DOCK1: variants seen among roughly 807,000 people sequenced by gnomAD.
The protein encoded by DOCK1 is dedicator of cytokinesis protein 1.
A neutral mutation model predicts 262.7 loss-of-function variants in DOCK1; 138 were observed. The ratio of observed to expected loss-of-function variants is 0.53; its 90% CI spans 0.46 to 0.61. DOCK1 has a LOEUF of 0.61. DOCK1 is among the 20% of genes least tolerant of loss of function. The probability of loss-of-function intolerance (pLI) is 0.00; values close to 1 mark genes in which losing one functional copy is unlikely to be tolerated. For synonymous variants in DOCK1, 866 were observed against 867.4 expected (o/e 1.00, Z 0.03); for missense variants, 1,908 against 2,370.7 (o/e 0.80, Z 4.05).
At chr10:127,151,102 A>G (rs190680261) in intron 27 of DOCK1, among the ~76,000 whole-genome samples, 1 of 152,164 alleles carries the variant, frequency 6.6e-6, no homozygotes, top group Non-Finnish European at 1.5e-5. Context: ...TCCCTTTATC[A>G]TCTCTTCCTG....
At chr10:126,977,505 C>G (rs1030285674) in intron 2 of DOCK1, among the ~76,000 whole-genome samples, 13 of 152,140 alleles carry the variant, frequency 8.5e-5, no homozygotes, top group Admixed American at 3.3e-4. Flanking sequence ...AGGAAGTTCT[C>G]TCTCAATGGG....
chr10:127,434,695 C>T (rs1179347854), intron 48 of DOCK1, among the ~76,000 whole-genome samples: 9 of 151,772 alleles, frequency 5.9e-5, no homozygotes, highest in Non-Finnish European at 8.8e-5. Context: ...CCTCTGTCGC[C>T]CAGGCTGAGT....
At chr10:127,245,763 A>AC (rs557258634) in intron 27 of DOCK1, among the ~76,000 whole-genome samples, 6 of 151,982 alleles carry the variant, frequency 3.9e-5, no homozygotes, top group Non-Finnish European at 8.8e-5. Flanking sequence ...GCATTTTGAG[A>AC]CCCCCTCAAG....
intron 4 of DOCK1, among the ~76,000 whole-genome samples, chr10:126,986,729 G>A (rs1351817899): frequency 2.0e-5 from 3 of 152,160 alleles, no homozygotes; most frequent in Non-Finnish European, 4.4e-5. Context: ...GGCCAATATG[G>A]TGAAACCTCA....
intron 48 of DOCK1, among the ~76,000 whole-genome samples, chr10:127,436,504 G>A (rs1327337203): frequency 6.6e-6 from 1 of 152,148 alleles, no homozygotes; most frequent in African/African-American, 2.4e-5. Flanking sequence ...GGGCAACAGA[G>A]TGAGACTCTG....
chr10:127,122,811 C>T (rs183694010), intron 25 of DOCK1, among the ~76,000 whole-genome samples: 1 of 152,140 alleles, frequency 6.6e-6, no homozygotes, highest in Admixed American at 6.5e-5. Context: ...CACCAGGTAA[C>T]CAAAGATGGT....
chr10:127,204,639 G>A (rs1308242397), intron 27 of DOCK1, among the ~76,000 whole-genome samples: 4 of 152,132 alleles, frequency 2.6e-5, no homozygotes, highest in Non-Finnish European at 5.9e-5. Flanking sequence ...TCACTCAAAA[G>A]GTGAAGTAGC....
At chr10:127,060,730 C>T (rs1026657994) in intron 22 of DOCK1, among the ~76,000 whole-genome samples, 13 of 152,148 alleles carry the variant, frequency 8.5e-5, no homozygotes, top group Non-Finnish European at 1.8e-4. Context: ...TGCACAACTT[C>T]CTTATTACCT....
At chr10:127,181,173 T>C (rs1423431611) in intron 27 of DOCK1, among the ~76,000 whole-genome samples, 5 of 152,234 alleles carry the variant, frequency 3.3e-5, no homozygotes, top group Non-Finnish European at 5.9e-5. Context: ...TGTATATGTA[T>C]GTATATATGC....
intron 2 of DOCK1, among the ~76,000 whole-genome samples, chr10:126,971,062 T>TC (rs1251711465): frequency 2.0e-5 from 3 of 146,860 alleles, no homozygotes; most frequent in Non-Finnish European, 4.6e-5. Context: ...TTTTTTTTTT[T>TC]CCTTTTGAGA....
intron 27 of DOCK1, among the ~76,000 whole-genome samples, chr10:127,193,276 A>G (rs1251027822): frequency 6.6e-6 from 1 of 152,118 alleles, no homozygotes; most frequent in South Asian, 2.1e-4. Flanking sequence ...GGGAGTTTTT[A>G]TGACCTCACA....
At chr10:127,361,777 C>T (rs1338287594) in intron 32 of DOCK1, among the ~76,000 whole-genome samples, 2 of 152,158 alleles carry the variant, frequency 1.3e-5, no homozygotes, top group East Asian at 3.9e-4. Context: ...GAACTGGCTA[C>T]TTATAAAACA....
At chr10:127,252,668 C>G (rs1038635315) in intron 28 of DOCK1, among the ~76,000 whole-genome samples, 20 of 150,676 alleles carry the variant, frequency 1.3e-4, no homozygotes, top group Admixed American at 6.7e-5. Context: ...GCTTGTTTTT[C>G]TCAGGTTTGT....
intron 27 of DOCK1, among the ~76,000 whole-genome samples, chr10:127,162,304 T>G (rs567953344): frequency 6.6e-6 from 1 of 152,224 alleles, no homozygotes; most frequent in Non-Finnish European, 1.5e-5. Context: ...CCCAATTGAT[T>G]AGTTTAAGGG....
At chr10:126,984,807 G>A (rs944351017) in intron 4 of DOCK1, among the ~76,000 whole-genome samples, 15 of 152,032 alleles carry the variant, frequency 9.9e-5, no homozygotes, top group Admixed American at 8.5e-4. Flanking sequence ...TCATTTGTTT[G>A]TAGTGAGAAC....
chr10:126,915,476 G>T (rs9423010), intron 1 of DOCK1, among the ~76,000 whole-genome samples: 19,799 of 151,804 alleles, frequency 0.13, 1,563 homozygotes, highest in East Asian at 0.22. Context: ...TGGAGTGCAG[G>T]GGCACAATCT....
chr10:127,409,734 T>C (rs2067733979), intron 42 of DOCK1, among the ~76,000 whole-genome samples: 1 of 152,112 alleles, frequency 6.6e-6, no homozygotes, highest in Admixed American at 6.5e-5. Flanking sequence ...AGTGCACAAG[T>C]CCTGCCTGTT....
At chr10:127,328,119 C>CAA (rs11301683) in intron 29 of DOCK1, among the ~76,000 whole-genome samples, 5,342 of 72,382 alleles carry the variant, frequency 0.074, 205 homozygotes, top group East Asian at 0.21. Context: ...TACAAATGGG[C>CAA]AAAAAAAAAA....
At chr10:127,411,904 C>T (rs1337681129) in intron 43 of DOCK1, among the ~76,000 whole-genome samples, 2 of 152,132 alleles carry the variant, frequency 1.3e-5, no homozygotes, top group East Asian at 1.9e-4. Context: ...CCACGGCATT[C>T]GAGTTGTAGA....
Sources: allele counts gnomAD v4.1 joint callset (sites outside exome capture counted in the v4.1 genomes callset), GRCh38; gene constraint gnomAD v4.1.1; transcripts MANE v1.5; gene names NCBI Gene and HGNC (gene_info 2026-07-23, HGNC 2026-07-21).